TDRD3: variants seen among roughly 807,000 people sequenced by gnomAD.
TDRD3 encodes tudor domain containing 3.
A neutral mutation model predicts 86.7 loss-of-function variants in TDRD3; 45 were observed. The observed-to-expected ratio is 0.52, with a 90% CI of 0.41 to 0.67. The LOEUF is 0.67. Among genes scored for constraint, TDRD3 ranks in the 30% least tolerant of loss-of-function variants. The pLI is 0.00. For synonymous variants in TDRD3, 298 were observed against 301.7 expected (o/e 0.99, Z 0.13); for missense variants, 814 against 889.0 (o/e 0.92, Z 1.07).
At chr13:60,411,535 C>T (rs956969278) in intron 1 of TDRD3, among the ~76,000 whole-genome samples, 2 of 152,154 alleles carry the variant, frequency 1.3e-5, no homozygotes, top group Non-Finnish European at 2.9e-5. Context: ...AAATGCCCTG[C>T]CTTAATTAGG....
chr13:60,499,565 T>C (rs1470078837), intron 8 of TDRD3, among the ~76,000 whole-genome samples: 1 of 152,248 alleles, frequency 6.6e-6, no homozygotes, highest in East Asian at 1.9e-4. Flanking sequence ...ATCACACTGG[T>C]CTCTTACAGT....
intron 3 of TDRD3, 49 bp from the exon 4 acceptor site, chr13:60,460,331 T>A (rs1356827169): frequency 6.7e-7 from 1 of 1,496,610 alleles, no homozygotes; most frequent in Non-Finnish European, 8.9e-7. Flanking sequence ...CAGCCCTGAA[T>A]AGAGTTTCAT....
chr13:60,436,834 T>C (rs960038282), intron 1 of TDRD3, among the ~76,000 whole-genome samples: 1 of 152,228 alleles, frequency 6.6e-6, no homozygotes, highest in East Asian at 1.9e-4. Flanking sequence ...AGGGATGGAA[T>C]ATTTTTATTC....
chr13:60,563,019 A>C (rs1470193366), intron 12 of TDRD3, among the ~76,000 whole-genome samples: 1 of 152,082 alleles, frequency 6.6e-6, no homozygotes, highest in Non-Finnish European at 1.5e-5. Context: ...ACCTGAGGTC[A>C]GGAGCTCAAG....
chr13:60,443,278 A>G (rs960163080), intron 2 of TDRD3, among the ~76,000 whole-genome samples: 1 of 151,972 alleles, frequency 6.6e-6, no homozygotes, highest in African/African-American at 2.4e-5. Flanking sequence ...ATTTTTTTAC[A>G]CTTATGTTAT....
At chr13:60,511,956 G>A (rs998794204) in intron 10 of TDRD3, among the ~76,000 whole-genome samples, 2 of 151,914 alleles carry the variant, frequency 1.3e-5, no homozygotes, top group African/African-American at 4.8e-5. Context: ...TCTTCATACT[G>A]TCCCACTGAG....
chr13:60,527,464 T>G lies in TDRD3; in HGVS notation c.1142-903T>G, dbSNP rs183420752. ...AAATATAAGAATAATTACAGCTGCATGTTGATTATGATGTATGACAAAGGA... is the reference window on the plus strand; with the variant it reads ...AAATATAAGAATAATTACAGCTGCAGGTTGATTATGATGTATGACAAAGGA... On this transcript the variant is annotated intron_variant, in intron 10 of 13. Coordinates refer to ENST00000377881, the MANE Select transcript of TDRD3 (RefSeq NM_001146070.2). 3.2e-3 allele frequency among the ~76,000 whole-genome samples: 494 copies of G among 152,250 alleles called. 1 individual carries two copies. The highest frequency in any genetic ancestry group is 0.012 in the African/African-American group (485 of 41,544).
intron 1 of TDRD3, among the ~76,000 whole-genome samples, chr13:60,432,963 T>C (rs1309836632): frequency 2.0e-5 from 3 of 152,110 alleles, no homozygotes; most frequent in Admixed American, 2.0e-4. Context: ...CATGAAGCCA[T>C]TTGATTTGGG....
At chr13:60,565,574 C>G (rs2137984668) in intron 12 of TDRD3, among the ~76,000 whole-genome samples, 1 of 152,146 alleles carries the variant, frequency 6.6e-6, no homozygotes, top group South Asian at 2.1e-4. Context: ...AGCTCATTCT[C>G]TCAGCAAATA....
In TDRD3 at chr13:60,541,481, A is replaced by AT. The variant is rs1011553881; in HGVS notation, c.2118+6257dup. ...CTTGCCCAGTCCACGGCATTCTTTT[A>AT]TTTTTTTTTGTATACGTGAATAATA... On this transcript the variant is annotated intron_variant, in intron 12 of 13. Transcript: ENST00000377881. 6.4e-4 allele frequency among the ~76,000 whole-genome samples: 97 copies of AT among 150,478 alleles called. 1 individual carries two copies. The highest frequency in any genetic ancestry group is 9.3e-4 in the Admixed American group (14 of 15,076).
intron 12 of TDRD3, among the ~76,000 whole-genome samples, chr13:60,565,326 A>AT (rs1490034831): frequency 6.6e-6 from 1 of 152,116 alleles, no homozygotes; most frequent in African/African-American, 2.4e-5. Context: ...AAGTGCTGGG[A>AT]TTACAGGCGT....
chr13:60,538,210 A>C (rs1957738048), intron 12 of TDRD3: 2 of 152,050 alleles, frequency 1.3e-5, no homozygotes, highest in Admixed American at 1.3e-4. Context: ...GAACATACTC[A>C]GGGAGTATAT....
At chr13:60,549,387 C>T (rs1957996917) in intron 12 of TDRD3, among the ~76,000 whole-genome samples, 1 of 151,970 alleles carries the variant, frequency 6.6e-6, no homozygotes, top group East Asian at 1.9e-4. Context: ...TATTATTGCC[C>T]TAGGATGTCA....
chr13:60,561,796 T>A (rs964328517), intron 12 of TDRD3, among the ~76,000 whole-genome samples: 33 of 152,274 alleles, frequency 2.2e-4, no homozygotes, highest in African/African-American at 7.9e-4. Flanking sequence ...TTAGTTTGAC[T>A]AACTGTTCTT....
chr13:60,568,461 A>G (rs1958514148), intron 13 of TDRD3, among the ~76,000 whole-genome samples: 1 of 152,238 alleles, frequency 6.6e-6, no homozygotes, highest in African/African-American at 2.4e-5. Flanking sequence ...GCTTTTAAGC[A>G]GAATCAAAAG....
chr13:60,428,302 ACATTC>A (rs1954861764), intron 1 of TDRD3, among the ~76,000 whole-genome samples: 1 of 151,524 alleles, frequency 6.6e-6, no homozygotes, highest in South Asian at 2.1e-4. Flanking sequence ...AAATAAAGTA[ACATTC>A]ACAGATTCCC....
intron 10 of TDRD3, among the ~76,000 whole-genome samples, chr13:60,527,060 C>A (rs891155209): frequency 6.6e-6 from 1 of 152,136 alleles, no homozygotes; most frequent in African/African-American, 2.4e-5. Context: ...GTCTCGAACT[C>A]CTGGCCTCAA....
intron 5 of TDRD3, among the ~76,000 whole-genome samples, chr13:60,480,606 C>A (rs1956288227): frequency 1.3e-5 from 2 of 152,218 alleles, no homozygotes; most frequent in Admixed American, 6.5e-5. Flanking sequence ...GTTCTCTCTT[C>A]TTCTCTTTCT....
chr13:60,489,931 G>A (rs1035836261), intron 7 of TDRD3, among the ~76,000 whole-genome samples: 3 of 151,708 alleles, frequency 2.0e-5, no homozygotes, highest in Non-Finnish European at 2.9e-5. Context: ...GGATTTTGTT[G>A]GATGCAGTTA....
Sources: allele counts gnomAD v4.1 joint callset (sites outside exome capture counted in the v4.1 genomes callset), GRCh38; gene constraint gnomAD v4.1.1; transcripts MANE v1.5; gene names NCBI Gene and HGNC (gene_info 2026-07-23, HGNC 2026-07-21).